LRRC4C: variants seen among roughly 807,000 people sequenced by gnomAD.
LRRC4C encodes leucine rich repeat containing 4C, also known as leucine-rich repeat-containing protein 4C.
In LRRC4C, 5 loss-of-function variants were observed where a neutral mutation model predicts 33.6. The ratio of observed to expected loss-of-function variants is 0.15; its 90% confidence interval spans 0.08 to 0.31. The LOEUF is 0.31. Among genes scored for constraint, LRRC4C ranks in the 10% least tolerant of loss-of-function variants. LRRC4C has a pLI of 1.00. For missense variants in LRRC4C, 560 were observed against 796.7 expected, an observed-to-expected ratio of 0.70 and a Z score of 3.58; for synonymous variants, 329 against 302.0, an observed-to-expected ratio of 1.09 and a Z score of -0.93.
chr11:40,283,173 G>A (rs1943596051), intron 4 of LRRC4C, among the ~76,000 whole-genome samples: 1 of 152,136 alleles, frequency 6.6e-6, no homozygotes, highest in Non-Finnish European at 1.5e-5. Flanking sequence ...GAGAAGCTAT[G>A]CATTGGAATA....
At chr11:40,524,366 T>A (rs1955951900) in intron 3 of LRRC4C, among the ~76,000 whole-genome samples, 1 of 152,232 alleles carries the variant, frequency 6.6e-6, no homozygotes, top group Non-Finnish European at 1.5e-5. Flanking sequence ...GTTACTTTTC[T>A]ACACAAATTT....
At chr11:40,896,767 T>G (rs10734489) in intron 2 of LRRC4C, among the ~76,000 whole-genome samples, 145,208 of 152,080 alleles carry the variant, frequency 0.95, 69,678 homozygotes, top group East Asian at 1. Context: ...ATATCAAAGG[T>G]ATTATCAATA....
chr11:41,334,676 A>G (rs1462508936), intron 1 of LRRC4C, among the ~76,000 whole-genome samples: 4 of 152,026 alleles, frequency 2.6e-5, no homozygotes, highest in African/African-American at 9.7e-5. Flanking sequence ...GCAAATATTA[A>G]AATAAATAAT....
chr11:40,893,848 CACAT>C (rs368948140), intron 2 of LRRC4C, among the ~76,000 whole-genome samples: 1 of 137,216 alleles, frequency 7.3e-6, no homozygotes, highest in African/African-American at 2.6e-5. Context: ...CACACACACA[CACAT>C]TCACACAGAG....
intron 1 of LRRC4C, among the ~76,000 whole-genome samples, chr11:41,031,936 A>T (rs1366039952): frequency 1.3e-5 from 2 of 152,042 alleles, no homozygotes; most frequent in Non-Finnish European, 2.9e-5. Flanking sequence ...AACTTTGGTT[A>T]AAAAAGTACA....
At chr11:40,753,602 G>GCGAT (rs1948803168) in intron 2 of LRRC4C, among the ~76,000 whole-genome samples, 1 of 148,196 alleles carries the variant, frequency 6.7e-6, no homozygotes, top group Admixed American at 6.8e-5. Context: ...GTGCAGTGGT[G>GCGAT]CGATCTGGGC....
At chr11:41,362,751 G>T (rs1278569913) in intron 1 of LRRC4C, among the ~76,000 whole-genome samples, 1 of 151,824 alleles carries the variant, frequency 6.6e-6, no homozygotes, top group Non-Finnish European at 1.5e-5. Context: ...AAAAGTCAGT[G>T]TCCTTGTTTT....
intron 3 of LRRC4C, among the ~76,000 whole-genome samples, chr11:40,589,746 T>C (rs1019785483): frequency 2.0e-5 from 3 of 151,290 alleles, no homozygotes; most frequent in African/African-American, 7.3e-5. Flanking sequence ...AAACTTAGTT[T>C]GGCTGGATAT....
chr11:40,252,343 T>A (rs1166488589), intron 4 of LRRC4C, among the ~76,000 whole-genome samples: 2 of 151,844 alleles, frequency 1.3e-5, no homozygotes, highest in African/African-American at 4.8e-5. Flanking sequence ...TGTATATACA[T>A]ATACACATAC....
chr11:40,710,137 C>A (rs12226546), intron 2 of LRRC4C, among the ~76,000 whole-genome samples: 1 of 152,032 alleles, frequency 6.6e-6, no homozygotes, highest in Admixed American at 6.6e-5. Flanking sequence ...GTTTGAACAT[C>A]CTCCTTTAGC....
intron 3 of LRRC4C, among the ~76,000 whole-genome samples, chr11:40,610,607 T>G (rs1591268934): frequency 6.6e-6 from 1 of 151,988 alleles, no homozygotes; most frequent in East Asian, 1.9e-4. Context: ...AACACATAAT[T>G]TTATATGTAG....
At chr11:40,996,822 C>T (rs1052774240) in intron 1 of LRRC4C, among the ~76,000 whole-genome samples, 7 of 152,034 alleles carry the variant, frequency 4.6e-5, no homozygotes, top group African/African-American at 1.7e-4. Flanking sequence ...CCAGCTCTCT[C>T]ATAAACTAAT....
At chr11:40,983,993 G>T (rs939686241) in intron 1 of LRRC4C, among the ~76,000 whole-genome samples, 2 of 152,108 alleles carry the variant, frequency 1.3e-5, no homozygotes, top group African/African-American at 2.4e-5. Context: ...GGCACATGTT[G>T]CCAGTTGCTA....
At chr11:40,265,301 T>G (rs534063509) in intron 4 of LRRC4C, among the ~76,000 whole-genome samples, 1 of 152,364 alleles carries the variant, frequency 6.6e-6, no homozygotes, top group South Asian at 2.1e-4. Context: ...TGCATTTATG[T>G]GCGGACTTTC....
chr11:41,165,195 A>C (rs541444056), intron 1 of LRRC4C, among the ~76,000 whole-genome samples: 1 of 151,594 alleles, frequency 6.6e-6, no homozygotes, highest in Admixed American at 6.6e-5. Flanking sequence ...TTCTCTCTCA[A>C]ACTGTCTTTT....
At chr11:40,850,200 A>G (rs1420914733) in intron 2 of LRRC4C, among the ~76,000 whole-genome samples, 2 of 151,620 alleles carry the variant, frequency 1.3e-5, no homozygotes, top group Admixed American at 6.6e-5. Context: ...GATCCTTTGG[A>G]GGAGAAGGGG....
intron 3 of LRRC4C, among the ~76,000 whole-genome samples, chr11:40,413,352 G>A (rs189765083): frequency 6.6e-6 from 1 of 152,152 alleles, no homozygotes; most frequent in East Asian, 1.9e-4. Flanking sequence ...AAATGGGATT[G>A]TTTTATATGG....
At chr11:40,897,029 T>C (rs1955979364) in intron 2 of LRRC4C, among the ~76,000 whole-genome samples, 1 of 152,184 alleles carries the variant, frequency 6.6e-6, no homozygotes, top group Admixed American at 6.5e-5. Flanking sequence ...TATTTAGTAA[T>C]GAAAATTTCT....
At chr11:40,325,245 G>A (rs902930665) in intron 3 of LRRC4C, among the ~76,000 whole-genome samples, 7 of 152,240 alleles carry the variant, frequency 4.6e-5, no homozygotes, top group Middle Eastern at 3.4e-3. Context: ...GTTAAAATGT[G>A]TTCAACTTAT....
Sources: allele counts gnomAD v4.1 joint callset (sites outside exome capture counted in the v4.1 genomes callset), GRCh38; gene constraint gnomAD v4.1.1; transcripts MANE v1.5; gene names NCBI Gene and HGNC (gene_info 2026-07-23, HGNC 2026-07-21).